Variants in CDK8 observed in about 807,000 individuals in gnomAD.
The protein encoded by CDK8 is cyclin dependent kinase 8.
Under a neutral mutation model 71.5 loss-of-function variants are expected in CDK8, and 29 were observed. That is an observed-to-expected ratio of 0.41 (90% CI 0.30 to 0.55). CDK8 has a LOEUF of 0.55. Among genes scored for constraint, CDK8 ranks in the 20% least tolerant of loss-of-function variants. The probability of loss-of-function intolerance (pLI) is 0.37; values close to 1 mark genes in which losing one functional copy is unlikely to be tolerated. For synonymous variants in CDK8, 161 were observed against 192.1 expected (o/e 0.84, Z 1.34); for missense variants, 288 against 572.6 (o/e 0.50, Z 5.07).
chr13:26,326,200 A>G (rs952024854), intron 1 of CDK8, among the ~76,000 whole-genome samples: 4 of 152,162 alleles, frequency 2.6e-5, no homozygotes, highest in Non-Finnish European at 5.9e-5. Flanking sequence ...TTAGTAGTTA[A>G]ATGTAATTGC....
intron 1 of CDK8, among the ~76,000 whole-genome samples, chr13:26,289,528 A>G (rs1040536303): frequency 6.6e-6 from 1 of 151,978 alleles, no homozygotes; most frequent in Admixed American, 6.5e-5. Flanking sequence ...CATAGATCTT[A>G]TATCTAGCCA....
chr13:26,358,766 G>A (rs984162144), intron 4 of CDK8, among the ~76,000 whole-genome samples: 6 of 152,114 alleles, frequency 3.9e-5, no homozygotes, highest in African/African-American at 1.4e-4. Context: ...GTGGATAAAT[G>A]GGTAAACAAA....
chr13:26,390,859 G>A (rs1401483698), intron 6 of CDK8, among the ~76,000 whole-genome samples: 1 of 151,976 alleles, frequency 6.6e-6, no homozygotes, highest in African/African-American at 2.4e-5. Context: ...CCTTTGCCTG[G>A]TTAGCTCAGT....
At chr13:26,310,560 G>A (rs538182635) in intron 1 of CDK8, among the ~76,000 whole-genome samples, 131 of 151,944 alleles carry the variant, frequency 8.6e-4, no homozygotes, top group Non-Finnish European at 1.5e-3. Flanking sequence ...TAGATCCCTC[G>A]CATACAGTTC....
chr13:26,257,022 A>G (rs1391890918), intron 1 of CDK8, among the ~76,000 whole-genome samples: 1 of 152,138 alleles, frequency 6.6e-6, no homozygotes, highest in East Asian at 1.9e-4. Flanking sequence ...ATGTCAGTGA[A>G]ATGTAATTTA....
At chr13:26,291,652 C>T (rs1314022418) in intron 1 of CDK8, among the ~76,000 whole-genome samples, 2 of 152,174 alleles carry the variant, frequency 1.3e-5, no homozygotes. Context: ...TCTCTAATTT[C>T]AGCGTAATGG....
intron 7 of CDK8, among the ~76,000 whole-genome samples, chr13:26,394,469 T>C (rs1875893252): frequency 6.6e-6 from 1 of 152,244 alleles, no homozygotes; most frequent in Admixed American, 6.5e-5. Context: ...CCAGGCACTG[T>C]CTTAAGTAAA....
chr13:26,312,170 A>C (rs929517620), intron 1 of CDK8, among the ~76,000 whole-genome samples: 1 of 152,066 alleles, frequency 6.6e-6, no homozygotes. Context: ...AAACGCAACA[A>C]TCAGCGCTCT....
intron 2 of CDK8, among the ~76,000 whole-genome samples, chr13:26,343,254 A>G (rs1873317959): frequency 6.6e-6 from 1 of 152,190 alleles, no homozygotes; most frequent in African/African-American, 2.4e-5. Flanking sequence ...TTTGTAGCCT[A>G]TTCCTTCTAG....
intron 1 of CDK8, among the ~76,000 whole-genome samples, chr13:26,334,516 A>C (rs1001002783): frequency 2.3e-4 from 35 of 152,094 alleles, no homozygotes; most frequent in African/African-American, 8.0e-4. Flanking sequence ...GATCCTCTTA[A>C]TGTCTTTTTC....
chr13:26,312,434 A>G (rs946399101), intron 1 of CDK8, among the ~76,000 whole-genome samples: 67 of 152,158 alleles, frequency 4.4e-4, no homozygotes, highest in Non-Finnish European at 3.7e-4. Context: ...CTGCGGCTTC[A>G]TTCCTGAAGT....
chr13:26,372,128 G>A (rs1236271648), intron 4 of CDK8, among the ~76,000 whole-genome samples: 2 of 152,120 alleles, frequency 1.3e-5, no homozygotes, highest in African/African-American at 2.4e-5. Flanking sequence ...GGTAAGTATT[G>A]ACAAAGACAC....
At chr13:26,312,391 A>G (rs919378234) in intron 1 of CDK8, among the ~76,000 whole-genome samples, 1 of 152,144 alleles carries the variant, frequency 6.6e-6, no homozygotes. Flanking sequence ...GGTCTGTACT[A>G]CCTTTATGAG....
chr13:26,355,204 C>T (rs1361509810), intron 4 of CDK8, among the ~76,000 whole-genome samples: 1 of 152,228 alleles, frequency 6.6e-6, no homozygotes, highest in African/African-American at 2.4e-5. Context: ...TACTTTATCT[C>T]CAGTTCTCAT....
chr13:26,276,753 A>T (rs939183114), intron 1 of CDK8, among the ~76,000 whole-genome samples: 9 of 152,194 alleles, frequency 5.9e-5, no homozygotes, highest in Admixed American at 5.2e-4. Context: ...TTTCTGCCAA[A>T]TCTCTTATTA....
chr13:26,328,327 G>T (rs1875120468), intron 1 of CDK8, among the ~76,000 whole-genome samples: 1 of 152,062 alleles, frequency 6.6e-6, no homozygotes, highest in African/African-American at 2.4e-5. Context: ...CAGCTGTTTT[G>T]TTTTCCTTAA....
intron 4 of CDK8, among the ~76,000 whole-genome samples, chr13:26,354,880 C>A (rs1193461403): frequency 6.6e-6 from 1 of 152,128 alleles, no homozygotes; most frequent in Non-Finnish European, 1.5e-5. Flanking sequence ...CCCTTTCTTA[C>A]TACATAATTA....
At chr13:26,364,801 AT>A (rs1874308341) in intron 4 of CDK8, among the ~76,000 whole-genome samples, 1 of 152,208 alleles carries the variant, frequency 6.6e-6, no homozygotes, top group Non-Finnish European at 1.5e-5. Flanking sequence ...AAAAAGAGGC[AT>A]TAGTAAATTC....
chr13:26,309,524 T>G (rs556088537), intron 1 of CDK8, among the ~76,000 whole-genome samples: 1 of 152,336 alleles, frequency 6.6e-6, no homozygotes, highest in East Asian at 1.9e-4. Flanking sequence ...TTTCATTTCA[T>G]ATGTATGGCT....
Sources: gnomAD v4.1 joint callset for allele counts (sites outside exome capture counted in the v4.1 genomes callset) on GRCh38, gnomAD v4.1.1 for gene constraint, MANE v1.5 for transcripts, NCBI Gene and HGNC (gene_info 2026-07-23, HGNC 2026-07-21) for gene names.